Variants in GABRA2 observed in about 807,000 individuals in gnomAD.
GABRA2 encodes the protein gamma-aminobutyric acid receptor subunit alpha-2.
GABRA2 carries 16 observed loss-of-function variants against 48.7 expected under a neutral mutation model. The ratio of observed to expected loss-of-function variants is 0.33; its 90% CI spans 0.22 to 0.50. The LOEUF (loss-of-function observed/expected upper bound fraction) is 0.50. GABRA2 is among the 20% of genes least tolerant of loss of function. The probability of loss-of-function intolerance (pLI) is 0.98; values close to 1 mark genes in which losing one functional copy is unlikely to be tolerated. For missense variants in GABRA2, 275 were observed against 535.6 expected (o/e 0.51, Z 4.80); for synonymous variants, 185 against 184.5 (o/e 1.00, Z -0.02).
chr4:46,367,383 G>A (rs574307062), intron 3 of GABRA2: 2 of 152,122 alleles, frequency 1.3e-5, no homozygotes, highest in African/African-American at 4.8e-5. Context: ...AAGCACTAAG[G>A]ACACAGTAGC....
chr4:46,257,439 G>T (rs1253551194), intron 9 of GABRA2, among the ~76,000 whole-genome samples: 1 of 151,406 alleles, frequency 6.6e-6, no homozygotes, highest in Non-Finnish European at 1.5e-5. Flanking sequence ...ATGAAACTTA[G>T]ATCTATCCTC....
chr4:46,372,053 C>T (rs1456169239), intron 3 of GABRA2, among the ~76,000 whole-genome samples: 1 of 152,144 alleles, frequency 6.6e-6, no homozygotes, highest in African/African-American at 2.4e-5. Context: ...TCAACATATG[C>T]ATGTTAATAA....
At chr4:46,288,602 A>G (rs758057959) in intron 8 of GABRA2, among the ~76,000 whole-genome samples, 1 of 152,200 alleles carries the variant, frequency 6.6e-6, no homozygotes, top group Non-Finnish European at 1.5e-5. Context: ...ACCCAAAACT[A>G]TAAAAAGCCT....
At chr4:46,291,176 T>C (rs1433983470) in intron 8 of GABRA2, among the ~76,000 whole-genome samples, 8 of 152,192 alleles carry the variant, frequency 5.3e-5, no homozygotes, top group Admixed American at 3.3e-4. Context: ...TCTAAAAATA[T>C]TTGGTAGAAT....
chr4:46,310,861 T>G (rs1727529476), intron 5 of GABRA2, among the ~76,000 whole-genome samples: 1 of 152,200 alleles, frequency 6.6e-6, no homozygotes. Context: ...TATATTTTTC[T>G]GTATCTACAT....
chr4:46,276,599 CA>C (rs60891194), intron 8 of GABRA2, among the ~76,000 whole-genome samples: 24,280 of 85,004 alleles, frequency 0.29, 2,038 homozygotes, highest in African/African-American at 0.39. Flanking sequence ...ACTTCAGGCT[CA>C]AAAAAAAAAA....
intron 9 of GABRA2, among the ~76,000 whole-genome samples, chr4:46,251,415 C>A (rs1200504924): frequency 6.6e-6 from 1 of 151,472 alleles, no homozygotes; most frequent in East Asian, 2.0e-4. Context: ...ACAATGGCTT[C>A]TTTCTTTTGC....
chr4:46,266,243 TTAA>T (rs917037066), intron 8 of GABRA2, among the ~76,000 whole-genome samples: 2 of 149,212 alleles, frequency 1.3e-5, no homozygotes, highest in African/African-American at 4.9e-5. Context: ...TGTTTTAAAA[TTAA>T]TATTTCAATA....
At chr4:46,385,023 GTCTCT>G (rs1348759893) in intron 3 of GABRA2, among the ~76,000 whole-genome samples, 1 of 150,060 alleles carries the variant, frequency 6.7e-6, no homozygotes, top group Non-Finnish European at 1.5e-5. Flanking sequence ...AACCAGTTGG[GTCTCT>G]TCCAACTTTT....
At position 46,305,603 on chromosome 4, in the gene GABRA2, T is replaced by C; in HGVS notation, c.668A>G (p.Gln223Arg). Reference protein sequence around the residue: ...SRLNQYDLLGQSIGKETIKSS... With the variant: ...SRLNQYDLLGRSIGKETIKSS... ...TTTAATTGTCTCCTTTCCGATTGATTGGCCCAGCAGGTCATATTGATTTAA... is the reference window on the plus strand; with the variant it reads ...TTTAATTGTCTCCTTTCCGATTGATCGGCCCAGCAGGTCATATTGATTTAA... Residue 223 changes from glutamine to arginine, a missense_variant, in exon 7 of 10, where the codon CAA becomes CGA. Around this residue, in one of 4 missense-constraint regions of GABRA2, gnomAD observed 113 missense variants for 257.1 expected, o/e 0.44. Transcript: ENST00000381620. 1.2e-6 allele frequency: 2 copies of C among 1,613,976 alleles called. No homozygotes were observed. The highest frequency in any genetic ancestry group is 1.7e-6 in the Non-Finnish European group (2 of 1,179,940).
At chr4:46,273,193 G>C (rs937773350) in intron 8 of GABRA2, among the ~76,000 whole-genome samples, 5 of 151,624 alleles carry the variant, frequency 3.3e-5, no homozygotes, top group Admixed American at 6.6e-5. Context: ...TCTGTCTTTG[G>C]TTTACAGCAC....
intron 3 of GABRA2, among the ~76,000 whole-genome samples, chr4:46,353,102 G>C (rs1057423676): frequency 6.6e-6 from 1 of 152,176 alleles, no homozygotes; most frequent in African/African-American, 2.4e-5. Flanking sequence ...TGGAAAACAA[G>C]AAGCCACAAA....
At chr4:46,302,769 T>C (rs1725967003) in intron 8 of GABRA2, 1 of 152,276 alleles carries the variant, frequency 6.6e-6, no homozygotes, top group African/African-American at 2.4e-5. Context: ...CTGGCTTATA[T>C]GTGCCAAGCT....
intron 3 of GABRA2, among the ~76,000 whole-genome samples, chr4:46,373,757 G>A (rs1715284121): frequency 6.6e-6 from 1 of 152,082 alleles, no homozygotes; most frequent in Non-Finnish European, 1.5e-5. Flanking sequence ...GCCCCATTTA[G>A]TCTCTTAAGA....
chr4:46,293,192 A>G (rs1723997223), intron 8 of GABRA2, among the ~76,000 whole-genome samples: 1 of 152,204 alleles, frequency 6.6e-6, no homozygotes, highest in South Asian at 2.1e-4. Context: ...TGAATGGACA[A>G]AAGACTAATT....
intron 3 of GABRA2, among the ~76,000 whole-genome samples, chr4:46,360,549 G>A (rs954904123): frequency 1.3e-5 from 2 of 152,176 alleles, no homozygotes; most frequent in African/African-American, 2.4e-5. Context: ...TCTTTCTTTT[G>A]TAAATTGCTG....
chr4:46,315,012 C>T (rs1212748590), intron 4 of GABRA2, among the ~76,000 whole-genome samples: 5 of 151,916 alleles, frequency 3.3e-5, no homozygotes, highest in African/African-American at 7.2e-5. Flanking sequence ...ACCAGTAATG[C>T]GATTGCTGGG....
chr4:46,297,711 T>G (rs1725014650), intron 8 of GABRA2, among the ~76,000 whole-genome samples: 1 of 151,700 alleles, frequency 6.6e-6, no homozygotes, highest in South Asian at 2.1e-4. Flanking sequence ...CCTTTGGTCT[T>G]GTTGATGACA....
chr4:46,341,793 C>A lies in GABRA2; in HGVS notation c.188-9111G>T, dbSNP rs1361464315. On this transcript the variant is annotated intron_variant, in intron 3 of 9. Transcript: ENST00000381620. ...GGAATAGGTTTGAGGTTTTAAAAGC[C>A]CCCTATTGTCATCTCAGTCCTCAGT... Among the ~76,000 whole-genome samples, 3 of 150,144 alleles carry A rather than the reference C, an allele frequency of 2.0e-5. No homozygotes were observed. The East Asian group carries it at 6.0e-4, about 30-fold the overall frequency.
Sources: allele counts gnomAD v4.1 joint callset (sites outside exome capture counted in the v4.1 genomes callset), GRCh38; gene constraint gnomAD v4.1.1; regional missense constraint gnomAD v4.1.1; transcripts MANE v1.5; gene names NCBI Gene and HGNC (gene_info 2026-07-23, HGNC 2026-07-21).